GRIN3A: variants seen among roughly 807,000 people sequenced by gnomAD.
GRIN3A encodes glutamate receptor ionotropic, NMDA 3A.
In GRIN3A, 47 loss-of-function variants were observed where a neutral mutation model predicts 92.4. That is an observed-to-expected ratio of 0.51 (90% CI 0.40 to 0.65). The LOEUF (loss-of-function observed/expected upper bound fraction) is 0.65, where lower values mean the gene tolerates loss of function less well. Among genes scored for constraint, GRIN3A ranks in the 30% least tolerant of loss-of-function variants. GRIN3A has a pLI of 0.00. For missense variants in GRIN3A, 1,324 were observed against 1,393.1 expected, an observed-to-expected ratio of 0.95 and a Z score of 0.79; for synonymous variants, 527 against 540.6, an observed-to-expected ratio of 0.97 and a Z score of 0.35.
At chr9:101,649,435 C>T (rs1202991290) in intron 3 of GRIN3A, among the ~76,000 whole-genome samples, 1 of 151,964 alleles carries the variant, frequency 6.6e-6, no homozygotes, top group Admixed American at 6.6e-5. Flanking sequence ...ATTAGCATCC[C>T]CAGTGGTTCC....
intron 7 of GRIN3A, 111 bp from the exon 8 acceptor site, chr9:101,577,955 CTT>C: frequency 2.6e-6 from 2 of 779,122 alleles, no homozygotes; most frequent in East Asian, 2.5e-5. Flanking sequence ...ACCTTGGCCT[CTT>C]TAAACAAATT....
chr9:101,699,322 C>A (rs187839936), intron 1 of GRIN3A, among the ~76,000 whole-genome samples: 300 of 152,208 alleles, frequency 2.0e-3, no homozygotes, highest in African/African-American at 6.6e-3. Flanking sequence ...GATAAAAATG[C>A]TGCCTTCTGG....
intron 6 of GRIN3A, among the ~76,000 whole-genome samples, chr9:101,589,127 C>T (rs527722043): frequency 1.8e-3 from 277 of 152,182 alleles, no homozygotes; most frequent in African/African-American, 6.4e-3. Context: ...TGTGCCACCA[C>T]GCCTGGCTGA....
rs970813731 is a variant in GRIN3A, at chr9:101,569,586, T to C, written c.*3588A>G. 3 of 152,064 alleles carry C rather than the reference T, an allele frequency of 2.0e-5. No individual in the cohort carries two copies. Among genetic ancestry groups the C allele is most frequent in the Admixed American group, 6.6e-5 (1 of 15,260 alleles). 9.4% of individuals were successfully genotyped at this position (152,064 alleles called of 1,614,324 possible). A position where few individuals can be genotyped will look rare whatever the true frequency, so the allele number is the denominator to read the frequency against. On this transcript the variant is annotated 3_prime_UTR_variant, in exon 9 of 9. Coordinates refer to ENST00000361820, the MANE Select transcript of GRIN3A (RefSeq NM_133445.3). ...TTCACAAACCTTAAGAAAATACTTA[T>C]AAATACATTATTTTCATAAAATGAT...
chr9:101,642,246 A>C (rs758919430), intron 3 of GRIN3A, among the ~76,000 whole-genome samples: 2 of 152,194 alleles, frequency 1.3e-5, no homozygotes, highest in Non-Finnish European at 2.9e-5. Context: ...CTCTTCAATA[A>C]ATGATGTTAT....
intron 6 of GRIN3A, among the ~76,000 whole-genome samples, chr9:101,607,607 C>A (rs1445382506): frequency 6.6e-6 from 1 of 152,188 alleles, no homozygotes; most frequent in Non-Finnish European, 1.5e-5. Context: ...ATTTACTTCA[C>A]ACAAGAGCCA....
chr9:101,702,960 C>A (rs944312376), intron 1 of GRIN3A, among the ~76,000 whole-genome samples: 9 of 152,068 alleles, frequency 5.9e-5, no homozygotes, highest in Non-Finnish European at 1.2e-4. Flanking sequence ...ATCCTGAATT[C>A]AATCACTTTC....
rs1196431803 is a variant in GRIN3A, at chr9:101,571,461, T to C, written c.*1713A>G. The C allele has an allele frequency of 6.6e-6, 1 of 152,160 alleles. No individual in the cohort carries two copies. The highest frequency in any genetic ancestry group is 2.4e-5 in the African/African-American group (1 of 41,426). The allele number at this position is 152,160 out of a possible 1,614,324, so 9.4% of individuals were successfully genotyped here. A position where few individuals can be genotyped will look rare whatever the true frequency, so the allele number is the denominator to read the frequency against. Reference sequence around the variant, plus strand: ...TCCAGCTGTAAAAGAGGAAAGTGCTTGGCACAGCTCCTGAACTTATTGTAG... The same window carrying C: ...TCCAGCTGTAAAAGAGGAAAGTGCTCGGCACAGCTCCTGAACTTATTGTAG... On this transcript the variant is annotated 3_prime_UTR_variant, in exon 9 of 9. Coordinates refer to ENST00000361820, the MANE Select transcript of GRIN3A (RefSeq NM_133445.3).
At chr9:101,621,284 CAAA>C (rs33962051) in intron 5 of GRIN3A, among the ~76,000 whole-genome samples, 3 of 129,328 alleles carry the variant, frequency 2.3e-5, no homozygotes, top group East Asian at 2.3e-4. Flanking sequence ...GACTCAGTCT[CAAA>C]AAAAAAAAAA....
chr9:101,720,314 C>T (rs1481449584), intron 1 of GRIN3A, among the ~76,000 whole-genome samples: 1 of 152,192 alleles, frequency 6.6e-6, no homozygotes, highest in Admixed American at 6.5e-5. Flanking sequence ...TATTAATTCA[C>T]TGAAGTCTGT....
chr9:101,659,648 A>C (rs1829143755), intron 3 of GRIN3A, among the ~76,000 whole-genome samples: 2 of 151,762 alleles, frequency 1.3e-5, no homozygotes, highest in Admixed American at 1.3e-4. Flanking sequence ...TTAATAACGT[A>C]AACAAAGGTA....
At chr9:101,578,007 T>A (rs190026444) in intron 7 of GRIN3A, among the ~76,000 whole-genome samples, 163 bp from the exon 8 acceptor site, 1 of 152,242 alleles carries the variant, frequency 6.6e-6, no homozygotes, top group East Asian at 1.9e-4. Context: ...CAGCCTCAAA[T>A]CTCAACAGAA....
chr9:101,700,887 G>A (rs1829744408), intron 1 of GRIN3A, among the ~76,000 whole-genome samples: 2 of 152,100 alleles, frequency 1.3e-5, no homozygotes, highest in Non-Finnish European at 2.9e-5. Flanking sequence ...GATGTCAGAA[G>A]TTTTATCAAG....
At chr9:101,734,732 G>C (rs1240068465) in intron 1 of GRIN3A, among the ~76,000 whole-genome samples, 3 of 151,846 alleles carry the variant, frequency 2.0e-5, no homozygotes, top group African/African-American at 7.2e-5. Context: ...AAAATAAAGT[G>C]AGAGAAAACA....
chr9:101,737,963 A>G lies in GRIN3A; in HGVS notation c.17T>C (p.Leu6Ser). The G allele has an allele frequency of 6.5e-7, 1 of 1,536,722 alleles. No individual in the cohort carries two copies. The highest frequency in any genetic ancestry group is 1.2e-5 in the South Asian group (1 of 84,144). ...ACAGACCCTGCTCAGCAGCCACCACAAACTCAGTCTCCTCATTACTGAGAC... is the reference window on the plus strand; with the variant it reads ...ACAGACCCTGCTCAGCAGCCACCACGAACTCAGTCTCCTCATTACTGAGAC... Reference protein sequence around the residue: MRRLSLWWLLSRVCLL... With the variant: MRRLSSWWLLSRVCLL... Residue 6 changes from leucine (L) to serine (S), a missense_variant, in exon 1 of 9, where the codon TTG becomes TCG. By Grantham distance (145) the Leu-to-Ser change is moderately radical (BLOSUM62 -2). Coordinates refer to ENST00000361820, the MANE Select transcript of GRIN3A (RefSeq NM_133445.3).
intron 1 of GRIN3A, among the ~76,000 whole-genome samples, chr9:101,733,224 T>C (rs1214477055): frequency 6.6e-6 from 1 of 152,208 alleles, no homozygotes; most frequent in Non-Finnish European, 1.5e-5. Flanking sequence ...GATTAAGTGA[T>C]ACTCTTCTGG....
In GRIN3A at chr9:101,607,036, T is replaced by G. The variant is rs1828295488; in HGVS notation, c.2766+6340A>C. 4.2e-5 allele frequency among the ~76,000 whole-genome samples: 6 copies of G among 143,718 alleles called. No individual in the cohort carries two copies. In the South Asian group the frequency reaches 1.4e-3, roughly 33 times the overall value. 94.3% of individuals were successfully genotyped at this position (143,718 alleles called of 152,430 possible). On this transcript the variant is annotated intron_variant, in intron 6 of 8. Coordinates refer to ENST00000361820, the MANE Select transcript of GRIN3A (RefSeq NM_133445.3). ...AGGCACAGGTGTGCAGGGAGGAATGTGGGGAAACATCTGAGGTCAATTTAA... is the reference window on the plus strand; with the variant it reads ...AGGCACAGGTGTGCAGGGAGGAATGGGGGGAAACATCTGAGGTCAATTTAA...
In GRIN3A at chr9:101,738,142, C is replaced by T. The variant is rs1459485774; in HGVS notation, c.-163G>A. 1 of 699,560 alleles carries T rather than the reference C, an allele frequency of 1.4e-6. No homozygotes were observed. Among genetic ancestry groups the T allele is most frequent in the South Asian group, 1.6e-5 (1 of 63,534 alleles). 43.3% of individuals were successfully genotyped at this position (699,560 alleles called of 1,614,324 possible). The stretch of plus-strand genomic sequence containing the variant: ...GGTCTCTAGGCCATGCAAGTTGGAG[C>T]GTAGCGCGCCTCCGGCAGTCTCAGA... On this transcript the variant is annotated 5_prime_UTR_variant, in exon 1 of 9. Transcript: ENST00000361820.
At chr9:101,582,795 G>A (rs891192550) in intron 6 of GRIN3A, among the ~76,000 whole-genome samples, 21 of 152,176 alleles carry the variant, frequency 1.4e-4, no homozygotes, top group African/African-American at 5.1e-4. Context: ...CTGCCAAGAT[G>A]AGGAGGAAAG....
Sources: gnomAD v4.1 joint callset for allele counts (sites outside exome capture counted in the v4.1 genomes callset) on GRCh38, gnomAD v4.1.1 for gene constraint, MANE v1.5 for transcripts, NCBI Gene and HGNC (gene_info 2026-07-23, HGNC 2026-07-21) for gene names.